CACNB2: variants seen among roughly 807,000 people sequenced by gnomAD.
CACNB2 encodes calcium voltage-gated channel auxiliary subunit beta 2.
CACNB2 carries 42 observed loss-of-function variants against 73.3 expected under a neutral mutation model. The observed-to-expected ratio is 0.57, with a 90% confidence interval of 0.45 to 0.74. The LOEUF (loss-of-function observed/expected upper bound fraction) is 0.74. Among genes scored for constraint, CACNB2 ranks in the 30% least tolerant of loss-of-function variants. The pLI, the probability that CACNB2 is intolerant of heterozygous loss-of-function variation, is 0.00. For synonymous variants in CACNB2, 348 were observed against 310.3 expected, an observed-to-expected ratio of 1.12 and a Z score of -1.28; for missense variants, 940 against 853.0, an observed-to-expected ratio of 1.10 and a Z score of -1.27.
intron 2 of CACNB2, among the ~76,000 whole-genome samples, chr10:18,200,233 CT>C (rs2034819894): frequency 6.6e-6 from 1 of 151,710 alleles, no homozygotes; most frequent in African/African-American, 2.4e-5. Flanking sequence ...ATTTAGACAT[CT>C]TTTTGTAGGT....
In CACNB2 at chr10:18,442,909, AATAT is replaced by A. The variant is rs150680927; in HGVS notation, c.333+40879_333+40882del. Among the ~76,000 whole-genome samples the A allele has an allele frequency of 6.8e-4, 71 of 104,396 alleles. 9 individuals carry two copies. Among genetic ancestry groups the A allele is most frequent in the African/African-American group, 2.5e-3 (65 of 25,694 alleles). 68.5% of individuals were successfully genotyped at this position (104,396 alleles called of 152,430 possible). A position where few individuals can be genotyped will look rare whatever the true frequency, so the allele number is the denominator to read the frequency against. On this transcript the variant is annotated intron_variant, in intron 3 of 13. Coordinates refer to ENST00000324631, the MANE Select transcript of CACNB2 (RefSeq NM_201596.3). ...TGTTGTTGGGTCTACATGTAAAAACAATATATATATATATATGTATATATATATA... is the reference window on the plus strand; with the variant it reads ...TGTTGTTGGGTCTACATGTAAAAACAATATATATATATGTATATATATATA...
intron 2 of CACNB2, among the ~76,000 whole-genome samples, chr10:18,312,319 T>C (rs549673648): frequency 1.4e-4 from 22 of 152,202 alleles, no homozygotes; most frequent in Non-Finnish European, 2.6e-4. Context: ...ACTAAAAATA[T>C]GTAAAATGTG....
intron 2 of CACNB2, among the ~76,000 whole-genome samples, chr10:18,180,681 A>G (rs2131207791): frequency 6.6e-6 from 1 of 152,196 alleles, no homozygotes; most frequent in Admixed American, 6.5e-5. Context: ...AAAGAAATAG[A>G]AGAGGCCAGG....
At chr10:18,277,516 C>T (rs954614777) in intron 2 of CACNB2, among the ~76,000 whole-genome samples, 1 of 152,102 alleles carries the variant, frequency 6.6e-6, no homozygotes, top group Non-Finnish European at 1.5e-5. Flanking sequence ...ACCAAGGAGA[C>T]AAAAGTGAGT....
At chr10:18,508,660 C>A (rs2050613232) in intron 6 of CACNB2, among the ~76,000 whole-genome samples, 1 of 152,166 alleles carries the variant, frequency 6.6e-6, no homozygotes, top group Non-Finnish European at 1.5e-5. Flanking sequence ...TGCTCCCCAA[C>A]TTATGATAGA....
At chr10:18,352,183 A>C (rs1365419379) in intron 2 of CACNB2, among the ~76,000 whole-genome samples, 2 of 152,222 alleles carry the variant, frequency 1.3e-5, no homozygotes, top group African/African-American at 2.4e-5. Context: ...ATATAAGGGT[A>C]AGATATTTGA....
intron 2 of CACNB2, among the ~76,000 whole-genome samples, chr10:18,255,550 G>C (rs1374867947): frequency 6.6e-6 from 1 of 152,176 alleles, no homozygotes; most frequent in African/African-American, 2.4e-5. Flanking sequence ...GACATTGGTT[G>C]TTTTACTTGT....
At chr10:18,503,013 A>G (rs572327930) in intron 5 of CACNB2, among the ~76,000 whole-genome samples, 73 of 152,342 alleles carry the variant, frequency 4.8e-4, no homozygotes, top group African/African-American at 1.7e-3. Context: ...GGATTAAAAT[A>G]CTTTACTCTG....
At chr10:18,269,969 T>C (rs1288810041) in intron 2 of CACNB2, among the ~76,000 whole-genome samples, 2 of 152,226 alleles carry the variant, frequency 1.3e-5, no homozygotes, top group Non-Finnish European at 2.9e-5. Flanking sequence ...ATCTCCATCC[T>C]AGTGCAGGCT....
At chr10:18,301,863 G>T (rs1421051987) in intron 2 of CACNB2, among the ~76,000 whole-genome samples, 1 of 151,880 alleles carries the variant, frequency 6.6e-6, no homozygotes, top group African/African-American at 2.4e-5. Context: ...TGGCCAGGCT[G>T]GTCTCGATCT....
At chr10:18,451,703 C>T (rs12243859) in intron 3 of CACNB2, among the ~76,000 whole-genome samples, 39,654 of 152,150 alleles carry the variant, frequency 0.26, 5,883 homozygotes, top group Middle Eastern at 0.41. Flanking sequence ...CTCACATATT[C>T]TCCTGTGTCA....
rs1322528074 is a variant in CACNB2 at position 18,539,732 on chromosome 10, C to A, written c.*8C>A. On this transcript the variant is annotated 3_prime_UTR_variant, in exon 14 of 14. Coordinates refer to ENST00000324631, the MANE Select transcript of CACNB2 (RefSeq NM_201596.3). ...GTTTACATCCGCCAATGAGTTTTGC[C>A]CGTTTGTGTTTTTTTTTTTTTTTTT... 1 of 1,570,946 alleles carries A rather than the reference C, an allele frequency of 6.4e-7. No homozygotes were observed. The highest frequency in any genetic ancestry group is 8.5e-7 in the Non-Finnish European group (1 of 1,169,760).
intron 3 of CACNB2, among the ~76,000 whole-genome samples, chr10:18,418,233 C>G (rs149454815): frequency 4.0e-4 from 61 of 152,296 alleles, no homozygotes; most frequent in African/African-American, 1.4e-3. Context: ...CGCCACTATG[C>G]TCAGCTAATT....
chr10:18,511,221 T>C (rs1589599760), intron 6 of CACNB2, among the ~76,000 whole-genome samples: 1 of 152,136 alleles, frequency 6.6e-6, no homozygotes, highest in African/African-American at 2.4e-5. Context: ...TTAATTCCAT[T>C]ATTACCTTTT....
intron 3 of CACNB2, among the ~76,000 whole-genome samples, chr10:18,450,627 T>C (rs1237065639): frequency 2.0e-5 from 2 of 102,226 alleles, no homozygotes; most frequent in African/African-American, 9.5e-5. Context: ...CTTTTTTTTC[T>C]TTTTTTTTTT....
At chr10:18,275,187 C>T (rs2038227539) in intron 2 of CACNB2, among the ~76,000 whole-genome samples, 1 of 152,212 alleles carries the variant, frequency 6.6e-6, no homozygotes, top group African/African-American at 2.4e-5. Flanking sequence ...ATGGCAGCAG[C>T]TCAGAGTTCC....
intron 2 of CACNB2, among the ~76,000 whole-genome samples, chr10:18,337,673 A>G (rs1007458596): frequency 1.3e-5 from 2 of 152,086 alleles, no homozygotes; most frequent in Middle Eastern, 3.2e-3. Context: ...ACGCTTCCAA[A>G]TATACTCCTC....
chr10:18,220,092 C>G (rs1272409915), intron 2 of CACNB2, among the ~76,000 whole-genome samples: 2 of 127,388 alleles, frequency 1.6e-5, no homozygotes, highest in Non-Finnish European at 3.4e-5. Context: ...AATTCCTCTT[C>G]TCCTTTTTTT....
chr10:18,335,751 A>G (rs2040976684), intron 2 of CACNB2, among the ~76,000 whole-genome samples: 1 of 149,738 alleles, frequency 6.7e-6, no homozygotes, highest in South Asian at 2.1e-4. Context: ...GGACCTCAAC[A>G]AAATATCTCT....
Sources: gnomAD v4.1 joint callset for allele counts (sites outside exome capture counted in the v4.1 genomes callset) on GRCh38, gnomAD v4.1.1 for gene constraint, MANE v1.5 for transcripts, NCBI Gene and HGNC (gene_info 2026-07-23, HGNC 2026-07-21) for gene names.